SPTBN1: variants seen among roughly 807,000 people sequenced by gnomAD.
SPTBN1 encodes the protein spectrin beta, non-erythrocytic 1, also known as spectrin beta chain, non-erythrocytic 1.
Under a neutral mutation model 266.4 loss-of-function variants are expected in SPTBN1, and 32 were observed. That is an observed-to-expected ratio of 0.12 (90% CI 0.09 to 0.16). SPTBN1 has a LOEUF of 0.16. SPTBN1 is among the 10% of genes least tolerant of loss of function. The pLI is 1.00. For synonymous variants in SPTBN1, 1,336 were observed against 1,162.2 expected (o/e 1.15, Z -3.04); for missense variants, 2,296 against 3,067.1 (o/e 0.75, Z 5.94).
At chr2:54,557,848 C>CG in intron 2 of SPTBN1, 3 of 985,400 alleles carry the variant, frequency 3.0e-6, no homozygotes, top group Non-Finnish European at 3.6e-6. Flanking sequence ...CTGGCTGTGG[C>CG]GCTGCACAGC....
At chr2:54,543,392 C>A (rs1266057892) in intron 2 of SPTBN1, among the ~76,000 whole-genome samples, 1 of 152,054 alleles carries the variant, frequency 6.6e-6, no homozygotes, top group African/African-American at 2.4e-5. Flanking sequence ...TGCAAAAAGG[C>A]CTTCCATATT....
At chr2:54,548,133 G>A (rs1056959458) in intron 2 of SPTBN1, among the ~76,000 whole-genome samples, 1 of 152,116 alleles carries the variant, frequency 6.6e-6, no homozygotes, top group Non-Finnish European at 1.5e-5. Context: ...ACAGAGCGAG[G>A]CTCCATCTCA....
At chr2:54,560,086 G>A (rs570662840) in intron 2 of SPTBN1, among the ~76,000 whole-genome samples, 173 of 150,296 alleles carry the variant, frequency 1.2e-3, no homozygotes, top group African/African-American at 3.9e-3. Context: ...ACGGTTCTGT[G>A]TCTCTTTGGT....
rs747395779 is a variant in SPTBN1 at position 54,631,161 on chromosome 2, C to T, written c.3114C>T (p.Ala1038=). 11 of 1,614,048 alleles carry T rather than the reference C, an allele frequency of 6.8e-6. No homozygotes were observed. Among genetic ancestry groups the T allele is most frequent in the South Asian group, 4.4e-5 (4 of 91,088 alleles). ...CCCAGGCCATCCTGTCTCGGCTGGC[C>T]GAGATCAGCGACGTGTGGGAGGAGA... ...DQAQAILSRL[A]EISDVWEEMK... The change falls in exon 16 of 36, where the codon GCC becomes GCT. Residue 1038 remains alanine, a synonymous_variant. Coordinates refer to ENST00000356805, the MANE Select transcript of SPTBN1 (RefSeq NM_003128.3).
chr2:54,500,217 G>C (rs1322428263), intron 1 of SPTBN1, among the ~76,000 whole-genome samples: 2 of 152,148 alleles, frequency 1.3e-5, no homozygotes, highest in Non-Finnish European at 2.9e-5. Flanking sequence ...ACATTTTATT[G>C]TAAGACTCAT....
At position 54,614,530 on chromosome 2, in the gene SPTBN1, C is replaced by T. The variant is rs149503806; in HGVS notation, c.475-1677C>T. 7.4e-4 allele frequency among the ~76,000 whole-genome samples: 113 copies of T among 152,140 alleles called. No individual in the cohort carries two copies. In the Middle Eastern group the frequency reaches 0.01, roughly 14 times the overall value. ...TAAAAGAGAGTATAAGGGCCAGGTG[C>T]GGTGGCTCATGCCTGTAATCCCAGC... On this transcript the variant is annotated intron_variant, in intron 4 of 35. Coordinates refer to ENST00000356805, the MANE Select transcript of SPTBN1 (RefSeq NM_003128.3).
intron 4 of SPTBN1, among the ~76,000 whole-genome samples, chr2:54,614,304 G>T (rs924579506): frequency 6.6e-6 from 1 of 152,084 alleles, no homozygotes; most frequent in Non-Finnish European, 1.5e-5. Flanking sequence ...GATACATAGG[G>T]TCAAGCTTCC....
chr2:54,658,097 T>C (rs779130882), intron 30 of SPTBN1, 51 bp downstream of exon 30: 1 of 1,605,252 alleles, frequency 6.2e-7, no homozygotes, highest in South Asian at 1.1e-5. Context: ...CAGCCTTTTC[T>C]TCCTGCTTGC....
Position 54,629,384 on chromosome 2 carries a change from G to A in SPTBN1, c.2250G>A (p.Gln750=), listed in dbSNP as rs1678578072. Reference sequence around the variant, plus strand: ...AGGCCTCCCTGCTGCACCAGTTCCAGGCAGATGCTGATGACATTGATGCCT... The same window carrying A: ...AGGCCTCCCTGCTGCACCAGTTCCAAGCAGATGCTGATGACATTGATGCCT... ...LEEASLLHQF[Q]ADADDIDAWM... is the part of the protein sequence containing the mutation. The change falls in exon 14 of 36, where the codon CAG becomes CAA. Residue 750 remains glutamine (Q), a synonymous_variant. Coordinates refer to ENST00000356805, the MANE Select transcript of SPTBN1 (RefSeq NM_003128.3). 3.7e-6 allele frequency: 6 copies of A among 1,614,148 alleles called. No homozygotes were observed. Among genetic ancestry groups the A allele is most frequent in the East Asian group, 2.2e-5 (1 of 44,884 alleles).
At chr2:54,559,763 G>C (rs1673156825) in intron 2 of SPTBN1, among the ~76,000 whole-genome samples, 1 of 152,172 alleles carries the variant, frequency 6.6e-6, no homozygotes, top group Non-Finnish European at 1.5e-5. Flanking sequence ...TAGTAGGCTG[G>C]GAATGGCTCT....
At chr2:54,594,628 TA>T (rs1675927474) in intron 2 of SPTBN1, among the ~76,000 whole-genome samples, 2 of 151,926 alleles carry the variant, frequency 1.3e-5, no homozygotes, top group Non-Finnish European at 2.9e-5. Context: ...TATATTTTAA[TA>T]AAAAAGAAAA....
intron 2 of SPTBN1, among the ~76,000 whole-genome samples, chr2:54,530,176 C>T (rs564466049): frequency 6.6e-6 from 1 of 152,150 alleles, no homozygotes; most frequent in South Asian, 2.1e-4. Flanking sequence ...AGGAATTCAT[C>T]TTTTAATGGT....
At chr2:54,585,596 A>C (rs1365020853) in intron 2 of SPTBN1, among the ~76,000 whole-genome samples, 1 of 152,252 alleles carries the variant, frequency 6.6e-6, no homozygotes, top group Admixed American at 6.5e-5. Context: ...CCTATGTGTA[A>C]TAACTTTCTC....
chr2:54,652,668 C>G (rs1468534293), intron 26 of SPTBN1: 1 of 152,220 alleles, frequency 6.6e-6, no homozygotes, highest in Non-Finnish European at 1.5e-5. Context: ...CATTTACCTT[C>G]TGTAGGAGCT....
At chr2:54,578,258 G>A (rs1015861664) in intron 2 of SPTBN1, among the ~76,000 whole-genome samples, 5 of 152,216 alleles carry the variant, frequency 3.3e-5, no homozygotes, top group South Asian at 2.1e-4. Flanking sequence ...ATGTTCAAAG[G>A]TGATGGCATT....
intron 2 of SPTBN1, among the ~76,000 whole-genome samples, chr2:54,544,269 C>T (rs1672108779): frequency 1.3e-5 from 2 of 152,152 alleles, no homozygotes; most frequent in Admixed American, 1.3e-4. Flanking sequence ...TTTGACCTGC[C>T]TTTTCCAACC....
At chr2:54,640,492 C>A (rs941097668) in intron 18 of SPTBN1, among the ~76,000 whole-genome samples, 8 of 152,132 alleles carry the variant, frequency 5.3e-5, no homozygotes, top group Non-Finnish European at 1.2e-4. Context: ...GAGCAGGGAC[C>A]CTCCTATTCC....
At chr2:54,588,077 A>G (rs900530110) in intron 2 of SPTBN1, among the ~76,000 whole-genome samples, 1 of 152,200 alleles carries the variant, frequency 6.6e-6, no homozygotes, top group African/African-American at 2.4e-5. Flanking sequence ...GTATTATTAT[A>G]TTGAAATGTT....
chr2:54,642,713 T>C (rs1679658358), intron 18 of SPTBN1, among the ~76,000 whole-genome samples: 1 of 152,176 alleles, frequency 6.6e-6, no homozygotes, highest in Admixed American at 6.5e-5. Flanking sequence ...AAGCCAGTTA[T>C]GAGTGCCAAA....
Sources: allele counts gnomAD v4.1 joint callset (sites outside exome capture counted in the v4.1 genomes callset), GRCh38; gene constraint gnomAD v4.1.1; transcripts MANE v1.5; gene names NCBI Gene and HGNC (gene_info 2026-07-23, HGNC 2026-07-21).